SHANK2: variants seen among roughly 807,000 people sequenced by gnomAD.
The protein encoded by SHANK2 is SH3 and multiple ankyrin repeat domains 2.
In SHANK2, 43 loss-of-function variants were observed where a neutral mutation model predicts 133.7. The ratio of observed to expected loss-of-function variants is 0.32; its 90% confidence interval spans 0.25 to 0.41. The LOEUF is 0.41. Ranked by LOEUF, SHANK2 falls within the 10% of genes least tolerant of loss-of-function variation. The pLI, the probability that SHANK2 is intolerant of heterozygous loss-of-function variation, is 1.00. For missense variants in SHANK2, 1,994 were observed against 2,235.8 expected, an observed-to-expected ratio of 0.89 and a Z score of 2.18; for synonymous variants, 1,017 against 952.8, an observed-to-expected ratio of 1.07 and a Z score of -1.24.
chr11:70,639,022 A>C (rs554150391), intron 17 of SHANK2, among the ~76,000 whole-genome samples: 62 of 147,452 alleles, frequency 4.2e-4, no homozygotes, highest in South Asian at 1.1e-3. Flanking sequence ...ACAAAAAAAA[A>C]ACAAAAAAAA....
At chr11:70,642,530 T>C (rs1452863701) in intron 17 of SHANK2, among the ~76,000 whole-genome samples, 1 of 152,148 alleles carries the variant, frequency 6.6e-6, no homozygotes, top group Non-Finnish European at 1.5e-5. Flanking sequence ...GCTCAGCCTG[T>C]CTAATCGCAG....
intron 9 of SHANK2, among the ~76,000 whole-genome samples, chr11:71,070,160 T>C (rs1951124634): frequency 6.6e-6 from 1 of 152,220 alleles, no homozygotes; most frequent in African/African-American, 2.4e-5. Context: ...TGTGCCTCTC[T>C]TGGCATCACA....
intron 11 of SHANK2, chr11:70,826,760 C>T (rs945928401): frequency 2.0e-5 from 6 of 304,434 alleles, no homozygotes; most frequent in Non-Finnish European, 3.3e-5. Context: ...ACCCGGCTAC[C>T]TCTCGCGGCG....
chr11:70,516,564 G>T (rs571603389), intron 17 of SHANK2, among the ~76,000 whole-genome samples: 1 of 152,302 alleles, frequency 6.6e-6, no homozygotes, highest in East Asian at 1.9e-4. Context: ...TGATTTCTTA[G>T]ATACAACACC....
intron 11 of SHANK2, among the ~76,000 whole-genome samples, chr11:70,887,287 TGG>T (rs1555073728): frequency 4.0e-5 from 1 of 25,042 alleles, no homozygotes; most frequent in Non-Finnish European, 9.8e-4. Context: ...GGATTAACTG[TGG>T]TATTCACGTC....
intron 9 of SHANK2, among the ~76,000 whole-genome samples, chr11:71,060,028 G>A (rs1950968947): frequency 6.6e-6 from 1 of 152,186 alleles, no homozygotes; most frequent in Admixed American, 6.5e-5. Context: ...AGGTTGGTTA[G>A]AGGGGGATCC....
chr11:71,146,720 C>T (rs1952655456), intron 3 of SHANK2, among the ~76,000 whole-genome samples: 1 of 152,194 alleles, frequency 6.6e-6, no homozygotes, highest in Non-Finnish European at 1.5e-5. Context: ...CAGGAAGAGG[C>T]AGGGCCAGGC....
chr11:70,605,985 A>G (rs781826298), intron 17 of SHANK2, among the ~76,000 whole-genome samples: 2 of 152,040 alleles, frequency 1.3e-5, no homozygotes, highest in Non-Finnish European at 2.9e-5. Context: ...GGCATGAAGT[A>G]CCCTCAGTTA....
At chr11:70,713,090 T>C (rs528381245) in intron 14 of SHANK2, among the ~76,000 whole-genome samples, 2 of 152,314 alleles carry the variant, frequency 1.3e-5, no homozygotes, top group South Asian at 4.1e-4. Flanking sequence ...AACATTGGCA[T>C]GGGTTTGTGT....
At chr11:71,158,767 A>AT (rs1400328855) in intron 2 of SHANK2, among the ~76,000 whole-genome samples, 1 of 152,244 alleles carries the variant, frequency 6.6e-6, no homozygotes, top group Non-Finnish European at 1.5e-5. Flanking sequence ...AAATAGATGG[A>AT]TTTAAAAAGC....
At chr11:71,234,427 T>C (rs1409360976) in intron 1 of SHANK2, among the ~76,000 whole-genome samples, 3 of 151,930 alleles carry the variant, frequency 2.0e-5, no homozygotes, top group Admixed American at 2.0e-4. Context: ...AGCCTGCAGA[T>C]GCACCTCTAT....
intron 17 of SHANK2, among the ~76,000 whole-genome samples, chr11:70,513,529 C>G (rs1453579950): frequency 6.6e-6 from 1 of 152,226 alleles, no homozygotes; most frequent in Non-Finnish European, 1.5e-5. Flanking sequence ...CAAAGCATAA[C>G]ATTCACGAAA....
intron 1 of SHANK2, among the ~76,000 whole-genome samples, chr11:71,251,795 C>T (rs1948186784): frequency 6.6e-6 from 1 of 151,162 alleles, no homozygotes; most frequent in African/African-American, 2.4e-5. Flanking sequence ...ACCAGGCGCG[C>T]CGGCCCCGGC....
At chr11:70,665,769 C>G (rs1467565091) in intron 15 of SHANK2, among the ~76,000 whole-genome samples, 1 of 152,174 alleles carries the variant, frequency 6.6e-6, no homozygotes, top group Non-Finnish European at 1.5e-5. Flanking sequence ...TTAGGAGGAG[C>G]AAGTGAGGCG....
intron 3 of SHANK2, among the ~76,000 whole-genome samples, chr11:71,139,886 G>A (rs1365882135): frequency 1.3e-5 from 2 of 152,234 alleles, no homozygotes; most frequent in African/African-American, 4.8e-5. Context: ...GTGAGGCTCA[G>A]AAACAGCACT....
chr11:70,636,621 G>T (rs1257624141), intron 17 of SHANK2, among the ~76,000 whole-genome samples: 1 of 152,038 alleles, frequency 6.6e-6, no homozygotes, highest in Non-Finnish European at 1.5e-5. Context: ...ATGCGAGCAT[G>T]TGTGAGCATG....
intron 9 of SHANK2, 143 bp from the exon 10 acceptor site, chr11:71,056,701 G>A (rs1590872618): frequency 6.6e-6 from 1 of 152,314 alleles, no homozygotes; most frequent in East Asian, 1.9e-4. Flanking sequence ...CTTTCATCTG[G>A]CTCCTGTATG....
intron 9 of SHANK2, among the ~76,000 whole-genome samples, chr11:71,060,885 G>C (rs1165859104): frequency 6.6e-6 from 1 of 152,186 alleles, no homozygotes; most frequent in African/African-American, 2.4e-5. Context: ...CCTGGAAAAA[G>C]CACAAATGTG....
chr11:70,921,284 G>A (rs1565406871), intron 10 of SHANK2, among the ~76,000 whole-genome samples: 1 of 152,234 alleles, frequency 6.6e-6, no homozygotes, highest in East Asian at 1.9e-4. Context: ...TTGGAAAGAG[G>A]ACAGCTGTTG....
Sources: gnomAD v4.1 joint callset for allele counts (sites outside exome capture counted in the v4.1 genomes callset) on GRCh38, gnomAD v4.1.1 for gene constraint, MANE v1.5 for transcripts, NCBI Gene and HGNC (gene_info 2026-07-23, HGNC 2026-07-21) for gene names.